ATP1B3: variants seen among roughly 807,000 people sequenced by gnomAD.
The protein encoded by ATP1B3 is sodium/potassium-transporting ATPase subunit beta-3.
A neutral mutation model predicts 30.2 loss-of-function variants in ATP1B3; 10 were observed. The ratio of observed to expected loss-of-function variants is 0.33; its 90% CI spans 0.20 to 0.56. The LOEUF (loss-of-function observed/expected upper bound fraction) is 0.56, where lower values mean the gene tolerates loss of function less well. Ranked by LOEUF, ATP1B3 falls within the 20% of genes least tolerant of loss-of-function variation. The pLI is 0.90. For synonymous variants in ATP1B3, 113 were observed against 117.0 expected (o/e 0.97, Z 0.22); for missense variants, 238 against 336.7 (o/e 0.71, Z 2.29).
intron 2 of ATP1B3, among the ~76,000 whole-genome samples, chr3:141,905,261 C>G (rs1260142800): frequency 6.6e-6 from 1 of 152,068 alleles, no homozygotes; most frequent in Non-Finnish European, 1.5e-5. Context: ...GGGAGTCTAG[C>G]AGGTTTCTCT....
chr3:141,920,504 G>A (rs995550583), intron 5 of ATP1B3, among the ~76,000 whole-genome samples: 2 of 151,302 alleles, frequency 1.3e-5, no homozygotes, highest in African/African-American at 2.4e-5. Context: ...TCTGGCTTAG[G>A]CAACAGAGTG....
intron 1 of ATP1B3, among the ~76,000 whole-genome samples, chr3:141,901,058 C>T (rs1039772174): frequency 1.3e-5 from 2 of 152,248 alleles, no homozygotes; most frequent in African/African-American, 2.4e-5. Flanking sequence ...GCTGGGATTA[C>T]AGGCGTGAGC....
chr3:141,881,279 T>G (rs757414454), intron 1 of ATP1B3, among the ~76,000 whole-genome samples: 6 of 152,128 alleles, frequency 3.9e-5, no homozygotes, highest in Non-Finnish European at 7.4e-5. Context: ...CTTGTGAGCT[T>G]CTTTGGGGTT....
intron 1 of ATP1B3, among the ~76,000 whole-genome samples, chr3:141,890,772 CATGTTGCCCAGGCTGGTCTCAAA>C (rs1933936671): frequency 6.6e-6 from 1 of 151,964 alleles, no homozygotes; most frequent in Non-Finnish European, 1.5e-5. Context: ...TGGGTTTTGC[CATGTTGCCCAGGCTGGTCTCAAA>C]CTCCTGAGCT....
chr3:141,907,100 T>C (rs1934276691), intron 2 of ATP1B3, 67 bp from the exon 3 acceptor site: 2 of 1,250,602 alleles, frequency 1.6e-6, no homozygotes, highest in African/African-American at 1.5e-5. Context: ...GATCTGCTTT[T>C]TAGAGATAAG....
intron 1 of ATP1B3, among the ~76,000 whole-genome samples, chr3:141,890,482 T>C (rs1301791678): frequency 1.3e-5 from 2 of 151,788 alleles, no homozygotes; most frequent in African/African-American, 4.8e-5. Context: ...TTTGTATTTT[T>C]AGTAGAGATG....
At chr3:141,899,282 C>G (rs113508280) in intron 1 of ATP1B3, among the ~76,000 whole-genome samples, 3,254 of 152,206 alleles carry the variant, frequency 0.021, 113 homozygotes, top group African/African-American at 0.072. Context: ...AAACTTGCAC[C>G]TGTTCATATA....
intron 5 of ATP1B3, among the ~76,000 whole-genome samples, chr3:141,918,507 C>T (rs973615903): frequency 4.9e-4 from 74 of 150,748 alleles, no homozygotes; most frequent in African/African-American, 1.6e-3. Flanking sequence ...TGCAGTGGTG[C>T]GATCTCAGCT....
chr3:141,879,607 A>G (rs1472654788), intron 1 of ATP1B3, among the ~76,000 whole-genome samples: 1 of 151,220 alleles, frequency 6.6e-6, no homozygotes, highest in Non-Finnish European at 1.5e-5. Flanking sequence ...CCCTGTCTCT[A>G]CTAAAAATGA....
At chr3:141,912,236 T>C (rs189622836) in intron 3 of ATP1B3, among the ~76,000 whole-genome samples, 142 of 152,278 alleles carry the variant, frequency 9.3e-4, no homozygotes, top group Admixed American at 5.0e-3. Flanking sequence ...TTACACTTCC[T>C]TTTTGAGGCA....
At chr3:141,917,601 A>G (rs1293508310) in intron 5 of ATP1B3, among the ~76,000 whole-genome samples, 5 of 151,678 alleles carry the variant, frequency 3.3e-5, no homozygotes, top group African/African-American at 9.7e-5. Flanking sequence ...GACGGAGGCA[A>G]AGGAACCGCT....
intron 1 of ATP1B3, among the ~76,000 whole-genome samples, chr3:141,895,022 T>G (rs1437895767): frequency 6.6e-6 from 1 of 152,040 alleles, no homozygotes; most frequent in East Asian, 1.9e-4. Flanking sequence ...TTCAGCTTTA[T>G]TATGATCTTA....
intron 1 of ATP1B3, among the ~76,000 whole-genome samples, chr3:141,893,054 G>A (rs541224113): frequency 1.3e-5 from 2 of 152,222 alleles, no homozygotes; most frequent in South Asian, 4.1e-4. Flanking sequence ...AGGCTGGAGT[G>A]CAGTGGTGCC....
chr3:141,915,933 CG>C, intron 4 of ATP1B3, 36 bp from the exon 5 acceptor site: 1 of 1,546,914 alleles, frequency 6.5e-7, no homozygotes, highest in East Asian at 2.3e-5. Flanking sequence ...TGCATACTTA[CG>C]TGAAGTTTAA....
intron 1 of ATP1B3, among the ~76,000 whole-genome samples, chr3:141,883,711 A>G (rs1933778331): frequency 6.6e-6 from 1 of 152,194 alleles, no homozygotes; most frequent in Non-Finnish European, 1.5e-5. Flanking sequence ...GAGCAGTACT[A>G]TGAATGTTTC....
At position 141,921,970 on chromosome 3, in the gene ATP1B3, A is replaced by G. The variant is rs1309716552; in HGVS notation, c.583-7A>G. Reference sequence around the variant, plus strand: ...CTAAAGAGGATTTCTTTTGTTTTCAACTTCAGAATGAAGATATACCAAATG... The same window carrying G: ...CTAAAGAGGATTTCTTTTGTTTTCAGCTTCAGAATGAAGATATACCAAATG... On this transcript the variant is annotated splice_region_variant and splice_polypyrimidine_tract_variant and intron_variant, in intron 5 of 6. Coordinates refer to ENST00000286371, the MANE Select transcript of ATP1B3 (RefSeq NM_001679.4). The G allele has an allele frequency of 2.0e-6, 3 of 1,464,840 alleles. No individual in the cohort carries two copies. The highest frequency in any genetic ancestry group is 2.4e-5 in the East Asian group (1 of 41,908). 90.7% of individuals were successfully genotyped at this position (1,464,840 alleles called of 1,614,324 possible). A position where few individuals can be genotyped will look rare whatever the true frequency, so the allele number is the denominator to read the frequency against.
intron 1 of ATP1B3, among the ~76,000 whole-genome samples, chr3:141,883,090 C>T (rs1933761001): frequency 6.6e-6 from 1 of 152,186 alleles, no homozygotes; most frequent in Non-Finnish European, 1.5e-5. Flanking sequence ...TCCTTCTGGG[C>T]TGTTTCCTAG....
At chr3:141,892,121 T>C (rs758485310) in intron 1 of ATP1B3, among the ~76,000 whole-genome samples, 2 of 152,182 alleles carry the variant, frequency 1.3e-5, no homozygotes, top group African/African-American at 2.4e-5. Context: ...TCTCTGGTCA[T>C]GATTGTGGTG....
intron 1 of ATP1B3, among the ~76,000 whole-genome samples, chr3:141,886,914 A>G (rs1933845595): frequency 6.6e-6 from 1 of 152,218 alleles, no homozygotes; most frequent in Admixed American, 6.5e-5. Flanking sequence ...GAGGCTGGAC[A>G]ATCACTTGAG....
Sources: allele counts gnomAD v4.1 joint callset (sites outside exome capture counted in the v4.1 genomes callset), GRCh38; gene constraint gnomAD v4.1.1; transcripts MANE v1.5; gene names NCBI Gene and HGNC (gene_info 2026-07-23, HGNC 2026-07-21).